NLGN1: variants seen among roughly 807,000 people sequenced by gnomAD.
The protein encoded by NLGN1 is neuroligin-1.
In NLGN1, 12 loss-of-function variants were observed where a neutral mutation model predicts 65.5. That is an observed-to-expected ratio of 0.18 (90% confidence interval 0.12 to 0.30). The LOEUF (loss-of-function observed/expected upper bound fraction) is 0.30. NLGN1 is among the 10% of genes least tolerant of loss of function. NLGN1 has a pLI of 1.00. For synonymous variants in NLGN1, 350 were observed against 359.5 expected (o/e 0.97, Z 0.30); for missense variants, 750 against 1,007.1 (o/e 0.74, Z 3.46).
At chr3:173,450,896 A>G (rs1721377071) in intron 2 of NLGN1, among the ~76,000 whole-genome samples, 1 of 152,124 alleles carries the variant, frequency 6.6e-6, no homozygotes, top group African/African-American at 2.4e-5. Flanking sequence ...TTCTCATGCC[A>G]TGGTTTTCAG....
At position 174,191,712 on chromosome 3, in the gene NLGN1, A is replaced by G. The variant is rs559093284; in HGVS notation, c.647-83603A>G. ...TTTCCACAAAGCACCACGAATTGGG[A>G]TCATTAAGAATACCCAGATGCTGTA... On this transcript the variant is annotated intron_variant, in intron 4 of 6. Transcript: ENST00000457714. 3.1e-3 allele frequency among the ~76,000 whole-genome samples: 468 copies of G among 152,278 alleles called. 1 individual carries two copies. The highest frequency in any genetic ancestry group is 4.9e-3 in the Non-Finnish European group (333 of 68,012).
At chr3:174,101,907 C>T (rs1278444568) in intron 4 of NLGN1, among the ~76,000 whole-genome samples, 1 of 152,084 alleles carries the variant, frequency 6.6e-6, no homozygotes, top group Non-Finnish European at 1.5e-5. Flanking sequence ...TACCCTATTT[C>T]CAATCGGGAG....
At chr3:173,742,035 A>C (rs6766702) in intron 3 of NLGN1, among the ~76,000 whole-genome samples, 15,941 of 152,118 alleles carry the variant, frequency 0.1, 2,843 homozygotes, top group African/African-American at 0.37. Context: ...AGTTGCAGAA[A>C]TGTCAGTTCA....
intron 4 of NLGN1, among the ~76,000 whole-genome samples, chr3:173,877,020 G>A (rs113221678): frequency 6.6e-6 from 1 of 152,026 alleles, no homozygotes; most frequent in South Asian, 2.1e-4. Context: ...AATAAGAATA[G>A]GATATTTGCC....
chr3:174,179,672 G>A (rs1459723318), intron 4 of NLGN1, among the ~76,000 whole-genome samples: 1 of 152,130 alleles, frequency 6.6e-6, no homozygotes, highest in South Asian at 2.1e-4. Flanking sequence ...CAAAACCAGA[G>A]TAGTATATAT....
rs577422715 is a variant in NLGN1 at position 174,021,175 on chromosome 3, G to A, written c.646+213343G>A. 2.8e-4 allele frequency among the ~76,000 whole-genome samples: 42 copies of A among 151,870 alleles called. No homozygotes were observed. The South Asian group carries it at 6.5e-3, about 23-fold the overall frequency. On this transcript the variant is annotated intron_variant, in intron 4 of 6. Coordinates refer to ENST00000457714, the Ensembl canonical transcript of NLGN1. ...TAAGAAACTTAAAACAAGATTGTGC[G>A]GAAAGAGAAATATATTAGTGCTCCA...
intron 4 of NLGN1, among the ~76,000 whole-genome samples, chr3:174,239,703 C>T (rs943706006): frequency 6.6e-6 from 1 of 152,212 alleles, no homozygotes; most frequent in East Asian, 1.9e-4. Flanking sequence ...ATGCTAAAAA[C>T]TGAGTCAGCC....
At chr3:173,753,690 A>AG (rs1776639265) in intron 3 of NLGN1, among the ~76,000 whole-genome samples, 2 of 151,968 alleles carry the variant, frequency 1.3e-5, no homozygotes, top group Non-Finnish European at 2.9e-5. Flanking sequence ...CTCTTGCCTT[A>AG]AGATCTTCCA....
chr3:174,217,537 A>G (rs1453892542), intron 4 of NLGN1, among the ~76,000 whole-genome samples: 2 of 152,028 alleles, frequency 1.3e-5, no homozygotes, highest in Non-Finnish European at 2.9e-5. Context: ...GTATCCTCAC[A>G]TGGCACAAAA....
At chr3:174,183,371 C>T (rs1490421915) in intron 4 of NLGN1, among the ~76,000 whole-genome samples, 1 of 152,134 alleles carries the variant, frequency 6.6e-6, no homozygotes, top group Non-Finnish European at 1.5e-5. Flanking sequence ...ATCTGAATCT[C>T]ATCTTTCTTT....
At chr3:174,141,971 T>TA (rs1722367142) in intron 4 of NLGN1, among the ~76,000 whole-genome samples, 1 of 152,140 alleles carries the variant, frequency 6.6e-6, no homozygotes. Context: ...CACGGCTTCT[T>TA]AAAATCTAGT....
intron 4 of NLGN1, among the ~76,000 whole-genome samples, chr3:174,090,341 C>T (rs1744270597): frequency 6.6e-6 from 1 of 151,980 alleles, no homozygotes; most frequent in Non-Finnish European, 1.5e-5. Context: ...GGCGTGGTGG[C>T]AGGTGCCTGT....
chr3:173,492,365 G>T (rs1053363607), intron 2 of NLGN1, among the ~76,000 whole-genome samples: 10 of 151,648 alleles, frequency 6.6e-5, no homozygotes, highest in African/African-American at 2.2e-4. Flanking sequence ...TACCTTCTTA[G>T]ATATATTGCT....
chr3:173,515,616 C>T (rs997220578), intron 2 of NLGN1, among the ~76,000 whole-genome samples: 3 of 152,010 alleles, frequency 2.0e-5, no homozygotes, highest in Non-Finnish European at 2.9e-5. Flanking sequence ...TTCATAGTTT[C>T]AGATCTTACA....
chr3:173,673,321 A>G (rs948556730), intron 3 of NLGN1, among the ~76,000 whole-genome samples: 8 of 152,198 alleles, frequency 5.3e-5, no homozygotes, highest in African/African-American at 1.9e-4. Context: ...ATATGTAACG[A>G]TATGGTTATG....
At chr3:173,837,148 C>G (rs1419709098) in intron 4 of NLGN1, among the ~76,000 whole-genome samples, 4 of 151,940 alleles carry the variant, frequency 2.6e-5, no homozygotes, top group African/African-American at 9.7e-5. Flanking sequence ...TCTTTTTCCC[C>G]AAACTAAACA....
chr3:174,211,824 G>A (rs183543609), intron 4 of NLGN1, among the ~76,000 whole-genome samples: 1 of 152,216 alleles, frequency 6.6e-6, no homozygotes, highest in Non-Finnish European at 1.5e-5. Context: ...TAAACACAGG[G>A]TGCTGATTGG....
chr3:173,607,980 C>T (rs1057472150), intron 3 of NLGN1, among the ~76,000 whole-genome samples: 2 of 151,790 alleles, frequency 1.3e-5, no homozygotes, highest in Non-Finnish European at 2.9e-5. Flanking sequence ...ATATTGTATT[C>T]ATGCAAAACT....
chr3:173,514,177 T>C (rs1040896535), intron 2 of NLGN1, among the ~76,000 whole-genome samples: 4 of 152,216 alleles, frequency 2.6e-5, no homozygotes, highest in African/African-American at 9.6e-5. Context: ...TTAAAAGTCA[T>C]ACAGGGTTGT....
Sources: allele counts gnomAD v4.1 joint callset (sites outside exome capture counted in the v4.1 genomes callset), GRCh38; gene constraint gnomAD v4.1.1; transcripts MANE v1.5; gene names NCBI Gene and HGNC (gene_info 2026-07-23, HGNC 2026-07-21).